The following CC2D2B variants were observed in gnomAD, a reference collection of about 807,000 sequenced individuals.
CC2D2B encodes the protein coiled-coil and C2 domain containing 2B, also known as protein CC2D2B.
Under a neutral mutation model 161.2 loss-of-function variants are expected in CC2D2B, and 128 were observed. That is an observed-to-expected ratio of 0.79 (90% confidence interval 0.69 to 0.92). The LOEUF is 0.92. Among genes scored for constraint, CC2D2B ranks in the 40% least tolerant of loss-of-function variants. The probability of loss-of-function intolerance (pLI) is 0.00; values close to 1 mark genes in which losing one functional copy is unlikely to be tolerated. For missense variants in CC2D2B, 1,173 were observed against 1,375.1 expected (o/e 0.85, Z 2.32); for synonymous variants, 391 against 449.8 (o/e 0.87, Z 1.65).
intron 26 of CC2D2B, among the ~76,000 whole-genome samples, chr10:96,010,248 G>A (rs2078928156): frequency 2.0e-5 from 3 of 152,184 alleles, no homozygotes; most frequent in Admixed American, 2.0e-4. Flanking sequence ...GGTACCAGGA[G>A]TTTCAGCTTG....
Position 95,995,305 on chromosome 10 carries a change from A to G in CC2D2B, c.2679A>G (p.Ile893Met). 1 of 1,532,806 alleles carries G rather than the reference A, an allele frequency of 6.5e-7. No individual in the cohort carries two copies. Among genetic ancestry groups the G allele is most frequent in the Middle Eastern group, 1.7e-4 (1 of 5,972 alleles). 95.0% of individuals were successfully genotyped at this position (1,532,806 alleles called of 1,614,324 possible). ...TGCCTACTTGTTTGAAATCATCTATATCTTGCCTCAGACATAGAGAAACAA... is the reference window on the plus strand; with the variant it reads ...TGCCTACTTGTTTGAAATCATCTATGTCTTGCCTCAGACATAGAGAAACAA... ...LDMPTCLKSS[I>M]SCLRHRETIK... Residue 893 changes from isoleucine to methionine, a missense_variant, in exon 23 of 35, where the codon ATA (isoleucine) becomes ATG (methionine). Ile to Met is a conservative substitution (Grantham distance 10, BLOSUM62 1). Coordinates refer to ENST00000646931, the MANE Select transcript of CC2D2B (RefSeq NM_001349008.3).
At chr10:95,988,113 A>ATGTTT in intron 19 of CC2D2B, 137 bp from the exon 20 acceptor site, 1 of 392,060 alleles carries the variant, frequency 2.6e-6, no homozygotes, top group Non-Finnish European at 4.5e-6. Flanking sequence ...TCTAAAAGAA[A>ATGTTT]TGTTTTCTTC....
At chr10:95,976,495 C>T (rs1235047399) in intron 17 of CC2D2B, among the ~76,000 whole-genome samples, 2 of 152,192 alleles carry the variant, frequency 1.3e-5, no homozygotes, top group East Asian at 1.9e-4. Flanking sequence ...CTAAGTCAAA[C>T]TTTACAATTA....
chr10:95,938,372 A>T, intron 7 of CC2D2B, 183 bp downstream of exon 7: 1 of 611,330 alleles, frequency 1.6e-6, no homozygotes. Context: ...CTTCATTTAA[A>T]AAATGTACAT....
intron 5 of CC2D2B, among the ~76,000 whole-genome samples, chr10:95,925,262 A>G (rs1182785463): frequency 3.3e-5 from 5 of 152,192 alleles, no homozygotes; most frequent in Admixed American, 6.6e-5. Context: ...CAAAGAAAAC[A>G]TTGATTGACT....
chr10:95,972,189 A>C lies in CC2D2B; in HGVS notation c.1768A>C (p.Met590Leu). The C allele has an allele frequency of 8.1e-7, 1 of 1,232,076 alleles. No individual in the cohort carries two copies. Among genetic ancestry groups the C allele is most frequent in the Non-Finnish European group, 1.0e-6 (1 of 987,896 alleles). 76.3% of individuals were successfully genotyped at this position (1,232,076 alleles called of 1,614,324 possible). A position where few individuals can be genotyped will look rare whatever the true frequency, so the allele number is the denominator to read the frequency against. The change falls in exon 16 of 35, where the codon ATG becomes CTG. Residue 590 changes from methionine (M) to leucine (L), a missense_variant. By Grantham distance (15) the Met-to-Leu change is conservative (BLOSUM62 2). This residue lies in a region of CC2D2B where 277 missense variants were observed against 420.6 expected (regional missense o/e 0.66). Transcript: ENST00000646931. Reference protein sequence around the residue: ...YVEFSSDKLVMPADGEVGSNV... With the variant: ...YVEFSSDKLVLPADGEVGSNV... ...AGAGTTTAGCTCTGATAAGCTGGTC[A>C]TGCCTGCCGATGGAGAAGTAGGAAG...
chr10:95,951,025 G>A (rs913758267), intron 10 of CC2D2B, among the ~76,000 whole-genome samples: 1 of 152,096 alleles, frequency 6.6e-6, no homozygotes, highest in African/African-American at 2.4e-5. Context: ...TGCCATGTTG[G>A]CCGGGCTGTT....
chr10:95,936,966 G>A (rs1029899412), intron 6 of CC2D2B, among the ~76,000 whole-genome samples: 5 of 152,188 alleles, frequency 3.3e-5, no homozygotes, highest in Admixed American at 6.5e-5. Context: ...GAGCCCCCAT[G>A]TGGAGATCCG....
intron 31 of CC2D2B, 95 bp from the exon 32 acceptor site, chr10:96,019,607 G>A (rs2079365394): frequency 1.6e-6 from 2 of 1,216,820 alleles, no homozygotes; most frequent in Non-Finnish European, 2.3e-6. Context: ...CCACTTCATT[G>A]AGTAGTAAGA....
chr10:95,922,382 A>C (rs1449641719), intron 3 of CC2D2B, among the ~76,000 whole-genome samples: 1 of 152,224 alleles, frequency 6.6e-6, no homozygotes, highest in Non-Finnish European at 1.5e-5. Context: ...TTCAAATCTC[A>C]GGGAGGAAAA....
chr10:96,004,398 T>C (rs1590844409), intron 25 of CC2D2B, 150 bp downstream of exon 25: 2 of 538,874 alleles, frequency 3.7e-6, no homozygotes, highest in East Asian at 3.2e-5. Flanking sequence ...TGCAATAAAA[T>C]CAGACATATA....
At chr10:96,002,494 C>T (rs969409081) in intron 24 of CC2D2B, among the ~76,000 whole-genome samples, 1 of 152,120 alleles carries the variant, frequency 6.6e-6, no homozygotes, top group African/African-American at 2.4e-5. Flanking sequence ...TGCAGAAGGA[C>T]TTAAGTGATG....
At chr10:95,964,646 A>G (rs1233623008) in intron 12 of CC2D2B, among the ~76,000 whole-genome samples, 6 of 152,162 alleles carry the variant, frequency 3.9e-5, no homozygotes, top group African/African-American at 4.8e-5. Context: ...AGAGTTCTTA[A>G]GGAATTTACC....
intron 6 of CC2D2B, among the ~76,000 whole-genome samples, chr10:95,933,788 C>T (rs888816890): frequency 2.6e-5 from 4 of 152,158 alleles, no homozygotes; most frequent in African/African-American, 4.8e-5. Context: ...CAGATGCCAG[C>T]GGAGCTCTCC....
In CC2D2B at chr10:96,013,859, T is replaced by C. The variant is rs368704298; in HGVS notation, c.3498T>C (p.Asp1166=). 4 of 1,585,496 alleles carry C rather than the reference T, an allele frequency of 2.5e-6. No homozygotes were observed. The highest frequency in any genetic ancestry group is 3.4e-6 in the Non-Finnish European group (4 of 1,160,474). ...CACCAGATGAAAATGATGGCTCTGA[T>C]ATATGGATGACATCAGAGGTAATAA... ...PNTPDENDGS[D]IWMTSEHCIS... Residue 1166 remains aspartate (D), a synonymous_variant, in exon 29 of 35, where the codon GAT becomes GAC. Coordinates refer to ENST00000646931, the MANE Select transcript of CC2D2B (RefSeq NM_001349008.3).
At chr10:96,021,011 C>T (rs1486977537) in intron 32 of CC2D2B, 1 of 152,112 alleles carries the variant, frequency 6.6e-6, no homozygotes, top group Non-Finnish European at 1.5e-5. Context: ...TGCACTCCAG[C>T]CTAGGAGCCT....
rs758660766 is a variant in CC2D2B at position 96,016,278 on chromosome 10, G to A, written c.3594G>A (p.Lys1198=). ...LLCNFFLYFG[K]KALVLLGTSV... ...GTAATTTCTTTCTGTATTTTGGAAA[G>A]AAGGCACTGGTCCTCTTGGGAACGT... The change falls in exon 30 of 35, where the codon AAG becomes AAA. Residue 1198 remains lysine, a synonymous_variant. Transcript: ENST00000646931. 5.0e-6 allele frequency: 8 copies of A among 1,612,958 alleles called. No individual in the cohort carries two copies. In the South Asian group the frequency reaches 8.8e-5, roughly 18 times the overall value.
At chr10:96,028,777 T>C (rs1173999170) in intron 34 of CC2D2B, among the ~76,000 whole-genome samples, 1 of 152,144 alleles carries the variant, frequency 6.6e-6, no homozygotes, top group Non-Finnish European at 1.5e-5. Flanking sequence ...ATATACACAA[T>C]GTAGTACAGT....
chr10:96,025,192 A>AAAAAATATAT (rs1284499689), intron 33 of CC2D2B, among the ~76,000 whole-genome samples: 1 of 49,204 alleles, frequency 2.0e-5, no homozygotes, highest in African/African-American at 8.3e-5. Context: ...TATAAAAAAA[A>AAAAAATATAT]ATATATATAT....
Sources: allele counts gnomAD v4.1 joint callset (sites outside exome capture counted in the v4.1 genomes callset), GRCh38; gene constraint gnomAD v4.1.1; regional missense constraint gnomAD v4.1.1; transcripts MANE v1.5; gene names NCBI Gene and HGNC (gene_info 2026-07-23, HGNC 2026-07-21).